Variants in ASCC3 observed in about 807,000 individuals in gnomAD.
ASCC3 encodes the protein ASC-1 complex subunit P200.
ASCC3 carries 158 observed loss-of-function variants against 256.3 expected under a neutral mutation model. The ratio of observed to expected loss-of-function variants is 0.62; its 90% CI spans 0.54 to 0.70. The LOEUF is 0.70. Among genes scored for constraint, ASCC3 ranks in the 30% least tolerant of loss-of-function variants. The pLI, the probability that ASCC3 is intolerant of heterozygous loss-of-function variation, is 0.00. For synonymous variants in ASCC3, 948 were observed against 883.4 expected (o/e 1.07, Z -1.30); for missense variants, 2,259 against 2,626.0 (o/e 0.86, Z 3.05).
intron 3 of ASCC3, chr6:100,858,494 C>A: frequency 1.3e-6 from 1 of 786,952 alleles, no homozygotes; most frequent in Non-Finnish European, 1.5e-6. Flanking sequence ...CCCTTCTATT[C>A]CTAGTTTGCT....
chr6:100,817,597 A>C (rs1343922111), intron 4 of ASCC3, among the ~76,000 whole-genome samples: 2 of 128,060 alleles, frequency 1.6e-5, no homozygotes, highest in African/African-American at 2.9e-5. Flanking sequence ...GGACATCACT[A>C]CTAAGTTGAA....
At chr6:100,676,745 T>C (rs1460127524) in intron 14 of ASCC3, among the ~76,000 whole-genome samples, 2 of 128,272 alleles carry the variant, frequency 1.6e-5, no homozygotes, top group East Asian at 4.9e-4. Flanking sequence ...TGCGCGCGCG[T>C]GCGCGCACAC....
chr6:100,651,883 G>A (rs1330724775), intron 18 of ASCC3, among the ~76,000 whole-genome samples: 1 of 151,138 alleles, frequency 6.6e-6, no homozygotes, highest in Non-Finnish European at 1.5e-5. Flanking sequence ...GCAAAAAGAT[G>A]GATGGTGAAT....
chr6:100,803,344 G>A (rs572427617), intron 5 of ASCC3, among the ~76,000 whole-genome samples: 1 of 152,220 alleles, frequency 6.6e-6, no homozygotes, highest in East Asian at 1.9e-4. Context: ...CTGTTCTAGT[G>A]ATAGTGATTG....
chr6:100,833,574 A>G (rs1771726298), intron 4 of ASCC3, among the ~76,000 whole-genome samples: 3 of 152,354 alleles, frequency 2.0e-5, no homozygotes, highest in South Asian at 2.1e-4. Flanking sequence ...AGAACTCTAT[A>G]CGTTTCACTT....
intron 10 of ASCC3, among the ~76,000 whole-genome samples, chr6:100,739,127 T>C (rs1469836586): frequency 6.6e-6 from 1 of 152,154 alleles, no homozygotes; most frequent in Admixed American, 6.5e-5. Context: ...CAATACAGAG[T>C]TTATTGAGAG....
intron 3 of ASCC3, among the ~76,000 whole-genome samples, chr6:100,853,370 A>C (rs1464412139): frequency 6.6e-6 from 1 of 152,078 alleles, no homozygotes; most frequent in Non-Finnish European, 1.5e-5. Flanking sequence ...ATTTTAATTA[A>C]AGATTGAATT....
chr6:100,537,774 A>G (rs1775235221), intron 37 of ASCC3, among the ~76,000 whole-genome samples: 1 of 151,850 alleles, frequency 6.6e-6, no homozygotes, highest in South Asian at 2.1e-4. Context: ...TCTACAATGA[A>G]GCATACTATT....
chr6:100,544,140 G>A (rs560692897), intron 36 of ASCC3, among the ~76,000 whole-genome samples: 6 of 152,082 alleles, frequency 3.9e-5, no homozygotes, highest in Admixed American at 6.6e-5. Flanking sequence ...AAAATATAAC[G>A]TCTCAGATTT....
intron 36 of ASCC3, among the ~76,000 whole-genome samples, chr6:100,576,233 G>C (rs1770851022): frequency 6.6e-6 from 1 of 151,870 alleles, no homozygotes; most frequent in Non-Finnish European, 1.5e-5. Flanking sequence ...GGGTTCTTAT[G>C]AAACACCTAA....
At position 100,650,518 on chromosome 6, in the gene ASCC3, GA is replaced by G; in HGVS notation, c.3252+19del. ...AATATATTCAAGGAAGAGAAAACTGGAAGGGAATAAGATACTTACCTGTGCA... is the reference window on the plus strand; with the variant it reads ...AATATATTCAAGGAAGAGAAAACTGGAGGGAATAAGATACTTACCTGTGCA... On this transcript the variant is annotated intron_variant, in intron 20 of 41. Coordinates refer to ENST00000369162, the MANE Select transcript of ASCC3 (RefSeq NM_006828.4). 1 of 1,610,666 alleles carries G rather than the reference GA, an allele frequency of 6.2e-7. No individual in the cohort carries two copies. Among genetic ancestry groups the G allele is most frequent in the Non-Finnish European group, 8.5e-7 (1 of 1,177,508 alleles).
intron 2 of ASCC3, among the ~76,000 whole-genome samples, chr6:100,866,273 G>A (rs773806221): frequency 6.6e-6 from 1 of 152,146 alleles, no homozygotes; most frequent in South Asian, 2.1e-4. Flanking sequence ...CCTGGCCCTA[G>A]AGATAAATAA....
intron 3 of ASCC3, among the ~76,000 whole-genome samples, 191 bp from the exon 4 acceptor site, chr6:100,848,898 G>A (rs1772521468): frequency 6.6e-6 from 1 of 152,160 alleles, no homozygotes; most frequent in South Asian, 2.1e-4. Flanking sequence ...TTGAGTCTAG[G>A]AGTTCAAGAC....
At chr6:100,820,663 T>A (rs1311774490) in intron 4 of ASCC3, among the ~76,000 whole-genome samples, 1 of 151,966 alleles carries the variant, frequency 6.6e-6, no homozygotes, top group Non-Finnish European at 1.5e-5. Context: ...AACAAACTAT[T>A]TGTGCTTTAA....
chr6:100,874,085 C>A (rs1773872743), intron 1 of ASCC3, among the ~76,000 whole-genome samples: 1 of 152,170 alleles, frequency 6.6e-6, no homozygotes, highest in Admixed American at 6.5e-5. Context: ...ACCTATAAAT[C>A]ATTTATACAC....
At chr6:100,673,156 G>C (rs1776835556) in intron 14 of ASCC3, among the ~76,000 whole-genome samples, 1 of 151,966 alleles carries the variant, frequency 6.6e-6, no homozygotes, top group African/African-American at 2.4e-5. Flanking sequence ...ACTATTAATA[G>C]AAATAAGTTG....
intron 4 of ASCC3, among the ~76,000 whole-genome samples, chr6:100,842,731 G>C (rs924187435): frequency 6.6e-6 from 1 of 152,122 alleles, no homozygotes; most frequent in Non-Finnish European, 1.5e-5. Flanking sequence ...TGCACTTCAG[G>C]AGGCCGTGGT....
intron 36 of ASCC3, among the ~76,000 whole-genome samples, chr6:100,557,390 TTTCTGTC>T (rs1345244923): frequency 6.6e-6 from 1 of 152,172 alleles, no homozygotes; most frequent in Admixed American, 6.5e-5. Flanking sequence ...CTCCCCTCAA[TTTCTGTC>T]TGTTTTTGCT....
intron 38 of ASCC3, 149 bp downstream of exon 38, chr6:100,517,842 C>G: frequency 1.2e-6 from 1 of 844,854 alleles, no homozygotes; most frequent in African/African-American, 1.7e-5. Context: ...TGTTACGTCA[C>G]TTGGCCATGT....
Sources: allele counts gnomAD v4.1 joint callset (sites outside exome capture counted in the v4.1 genomes callset), GRCh38; gene constraint gnomAD v4.1.1; transcripts MANE v1.5; gene names NCBI Gene and HGNC (gene_info 2026-07-23, HGNC 2026-07-21).